Variants in FRMD5 observed in about 807,000 individuals in gnomAD.
FRMD5 encodes the protein FERM domain-containing protein 5.
A neutral mutation model predicts 69.0 loss-of-function variants in FRMD5; 20 were observed. That is an observed-to-expected ratio of 0.29 (90% confidence interval 0.20 to 0.42). The LOEUF (loss-of-function observed/expected upper bound fraction) is 0.42, where lower values mean the gene tolerates loss of function less well. FRMD5 is among the 10% of genes least tolerant of loss of function. FRMD5 has a pLI of 1.00. For missense variants in FRMD5, 595 were observed against 708.6 expected, an observed-to-expected ratio of 0.84 and a Z score of 1.82; for synonymous variants, 271 against 260.1, an observed-to-expected ratio of 1.04 and a Z score of -0.40.
chr15:43,956,389 G>A (rs2090116222), intron 1 of FRMD5, among the ~76,000 whole-genome samples: 2 of 152,072 alleles, frequency 1.3e-5, no homozygotes, highest in Non-Finnish European at 2.9e-5. Flanking sequence ...GAAATAATTG[G>A]AATTTTCTTC....
chr15:44,163,822 A>G (rs1191533756), intron 1 of FRMD5, among the ~76,000 whole-genome samples: 2 of 152,186 alleles, frequency 1.3e-5, no homozygotes, highest in African/African-American at 2.4e-5. Flanking sequence ...AAGATTTTTA[A>G]TAAGGCCACT....
At chr15:44,093,360 C>G (rs1335777706) in intron 1 of FRMD5, among the ~76,000 whole-genome samples, 3 of 151,458 alleles carry the variant, frequency 2.0e-5, no homozygotes, top group Non-Finnish European at 4.4e-5. Context: ...AAAAAAACAA[C>G]TTGATCTTAT....
At chr15:44,072,077 G>A (rs1453094887) in intron 1 of FRMD5, among the ~76,000 whole-genome samples, 1 of 152,138 alleles carries the variant, frequency 6.6e-6, no homozygotes, top group Non-Finnish European at 1.5e-5. Context: ...TGTTGGCCAG[G>A]CTGGTCTCTA....
At chr15:43,962,875 C>G (rs538978904) in intron 1 of FRMD5, among the ~76,000 whole-genome samples, 1 of 152,162 alleles carries the variant, frequency 6.6e-6, no homozygotes, top group African/African-American at 2.4e-5. Flanking sequence ...GAAACTGGAT[C>G]GCTTCCTTAC....
rs543966048 is a variant in FRMD5, at chr15:44,154,462, C to A, written c.102+40491G>T. Among the ~76,000 whole-genome samples the A allele has an allele frequency of 1.4e-3, 206 of 152,114 alleles. 1 individual carries two copies. The highest frequency in any genetic ancestry group is 2.0e-3 in the Non-Finnish European group (139 of 68,000). ...TTACATACTTGGTTATTGAGGGCAC[C>A]AAAGCTTTTACTTTGGGATTAATTT... is the stretch of plus-strand genomic sequence containing the variant. On this transcript the variant is annotated intron_variant, in intron 1 of 13. Coordinates refer to ENST00000417257, the MANE Select transcript of FRMD5 (RefSeq NM_032892.5).
At chr15:43,992,360 C>T (rs1337844407) in intron 1 of FRMD5, among the ~76,000 whole-genome samples, 4 of 116,952 alleles carry the variant, frequency 3.4e-5, no homozygotes, top group African/African-American at 1.2e-4. Context: ...TTTTTTTTTG[C>T]AAGGGACTGG....
intron 4 of FRMD5, 168 bp downstream of exon 4, chr15:43,919,291 C>T (rs533361212): frequency 2.3e-5 from 18 of 773,636 alleles, no homozygotes; most frequent in Admixed American, 3.5e-5. Flanking sequence ...CTGAGGGGTA[C>T]GCGAAGAAAG....
chr15:43,911,903 AGCAGGTAACTC>A (rs1344598025), intron 4 of FRMD5, among the ~76,000 whole-genome samples: 7 of 152,190 alleles, frequency 4.6e-5, no homozygotes, highest in Admixed American at 2.6e-4. Context: ...AAGGGGTCCT[AGCAGGTAACTC>A]TGAGAGGCTT....
intron 1 of FRMD5, among the ~76,000 whole-genome samples, chr15:44,059,520 T>C (rs1342664978): frequency 6.6e-6 from 1 of 152,184 alleles, no homozygotes; most frequent in Non-Finnish European, 1.5e-5. Context: ...TATTTCTTTC[T>C]TTCTTTTTTG....
chr15:44,145,968 T>C (rs1187745993), intron 1 of FRMD5, among the ~76,000 whole-genome samples: 6 of 152,180 alleles, frequency 3.9e-5, no homozygotes, highest in Non-Finnish European at 5.9e-5. Context: ...ATACATTACA[T>C]TTTTGCATAC....
intron 1 of FRMD5, among the ~76,000 whole-genome samples, chr15:44,089,362 G>A (rs1595709578): frequency 6.6e-6 from 1 of 152,074 alleles, no homozygotes; most frequent in African/African-American, 2.4e-5. Context: ...CTCCTTGTCA[G>A]TACCAGAGTT....
intron 1 of FRMD5, among the ~76,000 whole-genome samples, chr15:44,048,059 C>T (rs184030092): frequency 3.9e-5 from 6 of 152,194 alleles, no homozygotes; most frequent in East Asian, 1.9e-4. Context: ...TCAATTCTCT[C>T]GGTTGTCATC....
intron 2 of FRMD5, among the ~76,000 whole-genome samples, chr15:43,921,185 G>A (rs1315456851): frequency 6.6e-6 from 1 of 152,222 alleles, no homozygotes; most frequent in South Asian, 2.1e-4. Flanking sequence ...GGGTTCCAGG[G>A]TATGCCTGTG....
intron 1 of FRMD5, chr15:44,194,748 C>T: frequency 1.5e-6 from 1 of 660,234 alleles, no homozygotes; most frequent in Non-Finnish European, 2.7e-6. Flanking sequence ...CGCCCCGCGG[C>T]GGCGGTGACA....
chr15:44,085,434 G>C (rs980637759), intron 1 of FRMD5, among the ~76,000 whole-genome samples: 1 of 152,038 alleles, frequency 6.6e-6, no homozygotes, highest in African/African-American at 2.4e-5. Context: ...ACATAGCTAA[G>C]TTTTCAAGAA....
intron 1 of FRMD5, among the ~76,000 whole-genome samples, chr15:43,933,725 G>A (rs1357058235): frequency 3.9e-5 from 6 of 152,180 alleles, no homozygotes; most frequent in African/African-American, 1.4e-4. Context: ...TTCCTACCAG[G>A]TTTTTAAATT....
intron 1 of FRMD5, among the ~76,000 whole-genome samples, chr15:43,986,165 G>A (rs1030876741): frequency 4.6e-5 from 7 of 152,192 alleles, no homozygotes; most frequent in African/African-American, 1.2e-4. Context: ...GACAAATCAC[G>A]TCACTTCTTT....
chr15:44,148,276 CT>C (rs923546326), intron 1 of FRMD5, among the ~76,000 whole-genome samples: 383 of 146,346 alleles, frequency 2.6e-3, no homozygotes, highest in African/African-American at 5.2e-3. Context: ...ACAGATATTA[CT>C]TTTTTTTTTT....
chr15:44,135,346 T>A (rs1424038779), intron 1 of FRMD5, among the ~76,000 whole-genome samples: 1 of 152,210 alleles, frequency 6.6e-6, no homozygotes, highest in East Asian at 1.9e-4. Context: ...CCCCACTGGC[T>A]TTATTTCCTC....
Sources: gnomAD v4.1 joint callset for allele counts (sites outside exome capture counted in the v4.1 genomes callset) on GRCh38, gnomAD v4.1.1 for gene constraint, MANE v1.5 for transcripts, NCBI Gene and HGNC (gene_info 2026-07-23, HGNC 2026-07-21) for gene names.